The following APPL1 variants were observed in gnomAD, a reference collection of about 807,000 sequenced individuals.
The protein encoded by APPL1 is adaptor protein, phosphotyrosine interacting with PH domain and leucine zipper 1.
Under a neutral mutation model 106.8 loss-of-function variants are expected in APPL1, and 42 were observed. The ratio of observed to expected loss-of-function variants is 0.39; its 90% confidence interval spans 0.31 to 0.51. The LOEUF is 0.51. APPL1 is among the 20% of genes least tolerant of loss of function. The probability of loss-of-function intolerance (pLI) is 0.75; values close to 1 mark genes in which losing one functional copy is unlikely to be tolerated. For synonymous variants in APPL1, 263 were observed against 281.8 expected (o/e 0.93, Z 0.67); for missense variants, 769 against 858.2 (o/e 0.90, Z 1.30).
At chr3:57,237,704 T>C (rs1201940381) in intron 3 of APPL1, among the ~76,000 whole-genome samples, 153 bp downstream of exon 3, 1 of 152,198 alleles carries the variant, frequency 6.6e-6, no homozygotes, top group East Asian at 1.9e-4. Context: ...TTTAATGATT[T>C]AATATTAAAT....
chr3:57,251,473 C>T (rs1200406424), intron 11 of APPL1, among the ~76,000 whole-genome samples: 2 of 147,452 alleles, frequency 1.4e-5, no homozygotes, highest in African/African-American at 5.0e-5. Flanking sequence ...TGCAGTGAGC[C>T]GAGATCGCGC....
intron 19 of APPL1, among the ~76,000 whole-genome samples, chr3:57,263,465 A>C (rs1336420091): frequency 6.7e-6 from 1 of 150,178 alleles, no homozygotes; most frequent in East Asian, 2.0e-4. Flanking sequence ...CATGAGTTCA[A>C]TTGTTTTGAT....
At chr3:57,254,183 G>A (rs1391675575) in intron 13 of APPL1, among the ~76,000 whole-genome samples, 1 of 152,100 alleles carries the variant, frequency 6.6e-6, no homozygotes, top group Non-Finnish European at 1.5e-5. Context: ...GCTTTAATGT[G>A]CCATGAATGT....
At chr3:57,229,455 T>C (rs2060673755) in intron 1 of APPL1, among the ~76,000 whole-genome samples, 1 of 152,128 alleles carries the variant, frequency 6.6e-6, no homozygotes, top group Non-Finnish European at 1.5e-5. Context: ...GCCAGATTAG[T>C]TTACAACTTA....
Position 57,248,240 on chromosome 3 carries a change from T to C in APPL1, c.752T>C (p.Ile251Thr), listed in dbSNP as rs773460897. 1.2e-6 allele frequency: 2 copies of C among 1,614,148 alleles called. No homozygotes were observed. The highest frequency in any genetic ancestry group is 1.7e-5 in the Admixed American group (1 of 60,018). Residue 251 changes from isoleucine to threonine, a missense_variant, in exon 10 of 22, where the codon ATA becomes ACA. Transcript: ENST00000288266. ...GATATAGAGACCATGCAACAGACAATAGAGGATTTGGAAGTAGCCAGTGAT... is the reference window on the plus strand; with the variant it reads ...GATATAGAGACCATGCAACAGACAACAGAGGATTTGGAAGTAGCCAGTGAT... The part of the protein sequence containing the change: ...DSDIETMQQT[I>T]EDLEVASDPL...
At chr3:57,248,469 A>G (rs1354961349) in intron 10 of APPL1, 118 bp downstream of exon 10, 4 of 1,162,928 alleles carry the variant, frequency 3.4e-6, no homozygotes, top group Non-Finnish European at 1.2e-6. Context: ...GAAACTTTTT[A>G]GAGGTGTTAG....
intron 1 of APPL1, among the ~76,000 whole-genome samples, chr3:57,234,296 C>CTTTTTTT (rs1212693146): frequency 8.1e-6 from 1 of 124,214 alleles, no homozygotes; most frequent in African/African-American, 3.2e-5. Flanking sequence ...TATTGACATT[C>CTTTTTTT]TTTTTTTTTT....
Position 57,249,372 on chromosome 3 carries a change from G to C in APPL1, c.876G>C (p.Leu292Phe). ...TTTCTTCATTCAGTAAAACAGGCTT[G>C]GTGTCATCTACCTGGGACAGACAGT... ...GYLNARNKTGLVSSTWDRQFY... is the reference protein window; with the variant it reads ...GYLNARNKTGFVSSTWDRQFY... The change falls in exon 11 of 22, where the codon TTG becomes TTC. Residue 292 changes from leucine (L) to phenylalanine (F), a missense_variant. Transcript: ENST00000288266. 6.2e-7 allele frequency: 1 copy of C among 1,614,114 alleles called. No homozygotes were observed. Among genetic ancestry groups the C allele is most frequent in the East Asian group, 2.2e-5 (1 of 44,874 alleles).
chr3:57,246,647 A>G (rs1412734598), intron 8 of APPL1, among the ~76,000 whole-genome samples: 1 of 152,172 alleles, frequency 6.6e-6, no homozygotes, highest in Admixed American at 6.5e-5. Flanking sequence ...GTACATCAGG[A>G]AGGGGGCTAG....
chr3:57,230,406 A>G (rs1309085301), intron 1 of APPL1, among the ~76,000 whole-genome samples: 2 of 152,210 alleles, frequency 1.3e-5, no homozygotes, highest in African/African-American at 4.8e-5. Context: ...TTACCCAGCA[A>G]AACCTTATTA....
In APPL1 at chr3:57,242,121, G is replaced by A. The variant is rs199855351; in HGVS notation, c.394G>A (p.Val132Ile). The A allele has an allele frequency of 6.3e-7, 1 of 1,592,832 alleles. No homozygotes were observed. Among genetic ancestry groups the A allele is most frequent in the East Asian group, 2.3e-5 (1 of 44,234 alleles). Residue 132 changes from valine to isoleucine, a missense_variant, in exon 6 of 22, where the codon GTA becomes ATA. Transcript: ENST00000288266. ...TTCAGAAATACTAACATTAAAGGAA[G>A]TATTTCAGATTGCAAGTAATGGTAA... ...DLKEILTLKE[V>I]FQIASNDHDA...
chr3:57,249,545 A>G lies in APPL1; in HGVS notation c.1049A>G (p.Lys350Arg), dbSNP rs781038287. The G allele has an allele frequency of 1.3e-6, 2 of 1,560,336 alleles. No homozygotes were observed. Among genetic ancestry groups the G allele is most frequent in the Non-Finnish European group, 8.6e-7 (1 of 1,157,404 alleles). The change falls in exon 11 of 22, where the codon AAA (lysine) becomes AGA (arginine). Residue 350 changes from lysine (K) to arginine (R), a missense_variant. Transcript: ENST00000288266. ...TTTCAGATCACCTCTTTCGATGGAAAAAAGTTAGTATTTTTTTTCTACTAC... is the reference window on the plus strand; with the variant it reads ...TTTCAGATCACCTCTTTCGATGGAAGAAAGTTAGTATTTTTTTTCTACTAC... The part of the protein sequence containing the change: ...YCFQITSFDG[K>R]KSSILQAESK...
intron 12 of APPL1, among the ~76,000 whole-genome samples, 153 bp from the exon 13 acceptor site, chr3:57,253,529 A>C (rs1431847413): frequency 6.6e-6 from 1 of 152,046 alleles, no homozygotes; most frequent in Non-Finnish European, 1.5e-5. Flanking sequence ...TATTACTTCT[A>C]ATGAAACATC....
chr3:57,258,116 G>A (rs2060846617), intron 15 of APPL1, among the ~76,000 whole-genome samples: 1 of 152,142 alleles, frequency 6.6e-6, no homozygotes, highest in African/African-American at 2.4e-5. Flanking sequence ...TTATCTTACT[G>A]TCAGTGTTTT....
At chr3:57,240,329 C>G in intron 4 of APPL1, 136 bp from the exon 5 acceptor site, 1 of 660,602 alleles carries the variant, frequency 1.5e-6, no homozygotes. Context: ...GTATTTTGTA[C>G]TATATCACAT....
chr3:57,251,181 G>A (rs555636168), intron 11 of APPL1, among the ~76,000 whole-genome samples: 6 of 150,932 alleles, frequency 4.0e-5, no homozygotes, highest in African/African-American at 1.5e-4. Flanking sequence ...GTATTTATGC[G>A]CATTAAGATA....
At chr3:57,240,713 T>C (rs2060741247) in intron 5 of APPL1, among the ~76,000 whole-genome samples, 161 bp downstream of exon 5, 1 of 152,220 alleles carries the variant, frequency 6.6e-6, no homozygotes, top group Non-Finnish European at 1.5e-5. Flanking sequence ...GATGTCAAAC[T>C]AGATATTGAG....
At position 57,227,879 on chromosome 3, in the gene APPL1, C is replaced by A; in HGVS notation, c.-5C>A. 6.8e-7 allele frequency: 1 copy of A among 1,464,424 alleles called. No individual in the cohort carries two copies. The highest frequency in any genetic ancestry group is 9.0e-7 in the Non-Finnish European group (1 of 1,105,730). 90.7% of individuals were successfully genotyped at this position (1,464,424 alleles called of 1,614,324 possible). A position where few individuals can be genotyped will look rare whatever the true frequency, so the allele number is the denominator to read the frequency against. On this transcript the variant is annotated 5_prime_UTR_variant, in exon 1 of 22. Coordinates refer to ENST00000288266, the MANE Select transcript of APPL1 (RefSeq NM_012096.3). ...GTCTCCTGCCACCGCCCTCCCTCCG[C>A]CACGATGCCGGGGATCGACAAGCTG...
Position 57,257,539 on chromosome 3 carries a change from T to C in APPL1, c.1430+111T>C, listed in dbSNP as rs1419095554. ...ATAATGTATATCAGCTATGTTGTAC[T>C]TTCTTTGTTTAATTATGTAACATAT... On this transcript the variant is annotated intron_variant, in intron 15 of 21. Transcript: ENST00000288266. 3.1e-6 allele frequency: 3 copies of C among 954,392 alleles called. No individual in the cohort carries two copies. In the East Asian group the frequency reaches 8.2e-5, roughly 26 times the overall value. The allele number at this position is 954,392 out of a possible 1,614,324, so 59.1% of individuals were successfully genotyped here.
Sources: gnomAD v4.1 joint callset for allele counts (sites outside exome capture counted in the v4.1 genomes callset) on GRCh38, gnomAD v4.1.1 for gene constraint, MANE v1.5 for transcripts, NCBI Gene and HGNC (gene_info 2026-07-23, HGNC 2026-07-21) for gene names.